ROS1: variants seen among roughly 807,000 people sequenced by gnomAD.
ROS1 encodes the protein proto-oncogene tyrosine-protein kinase ROS.
Under a neutral mutation model 273.5 loss-of-function variants are expected in ROS1, and 263 were observed. The observed-to-expected ratio is 0.96, with a 90% CI of 0.87 to 1.06. The LOEUF is 1.06. Ranked by LOEUF, ROS1 falls within the 50% of genes least tolerant of loss-of-function variation. The pLI, the probability that ROS1 is intolerant of heterozygous loss-of-function variation, is 0.00. For missense variants in ROS1, 2,833 were observed against 2,751.1 expected (o/e 1.03, Z -0.67); for synonymous variants, 1,008 against 954.1 (o/e 1.06, Z -1.04).
chr6:117,330,792 C>T (rs1372840228), intron 32 of ROS1, among the ~76,000 whole-genome samples: 1 of 152,098 alleles, frequency 6.6e-6, no homozygotes, highest in Non-Finnish European at 1.5e-5. Context: ...ACAGCATCAT[C>T]ATCAACAACA....
chr6:117,395,619 T>G (rs991535896), intron 9 of ROS1, among the ~76,000 whole-genome samples: 5 of 152,194 alleles, frequency 3.3e-5, no homozygotes, highest in Admixed American at 6.5e-5. Context: ...TTTGTTATTT[T>G]GCTCACACAT....
At chr6:117,360,622 G>T (rs1419303711) in intron 22 of ROS1, among the ~76,000 whole-genome samples, 1 of 152,044 alleles carries the variant, frequency 6.6e-6, no homozygotes, top group Non-Finnish European at 1.5e-5. Flanking sequence ...ATCTAGAAAA[G>T]TGCAAGAATT....
Position 117,344,136 on chromosome 6 carries a change from G to C in ROS1, c.4430C>G (p.Pro1477Arg), listed in dbSNP as rs749689925. The change falls in exon 28 of 44, where the codon CCT (proline) becomes CGT (arginine). Residue 1477 changes from proline to arginine, a missense_variant. Pro to Arg is a moderately radical substitution (Grantham distance 103). Transcript: ENST00000368507. ...TNLTWYGITS[P>R]TPTYLVYYAE... ...ATAATAAACCAGGTATGTTGGAGTA[G>C]GGCTGGTGATGCCATACCATGTGAG... The C allele has an allele frequency of 1.2e-6, 2 of 1,613,968 alleles. No individual in the cohort carries two copies. The highest frequency in any genetic ancestry group is 1.1e-5 in the South Asian group (1 of 91,084).
chr6:117,387,796 AC>A lies in ROS1; in HGVS notation c.1982del (p.Gly661ValfsTer16), dbSNP rs755841294. 6.2e-7 allele frequency: 1 copy of A among 1,614,082 alleles called. No homozygotes were observed. Among genetic ancestry groups the A allele is most frequent in the Admixed American group, 1.7e-5 (1 of 60,028 alleles). On this transcript the variant is annotated frameshift_variant, in exon 14 of 44. Transcript: ENST00000368507. LOFTEE classifies it high-confidence loss of function. ...TTTTCTCACCTGGCACCAGGGTAGTACCCACTGAGGGCTCTGACCAGGGGCC... is the reference window on the plus strand; with the variant it reads ...TTTTCTCACCTGGCACCAGGGTAGTACCACTGAGGGCTCTGACCAGGGGCC... The part of the protein sequence containing the change: ...RPGPWSEPSV[G>X]TTLVPASEPP...
chr6:117,400,757 T>C (rs1486267489), intron 7 of ROS1, among the ~76,000 whole-genome samples: 1 of 152,214 alleles, frequency 6.6e-6, no homozygotes, highest in Non-Finnish European at 1.5e-5. Context: ...GCCCTTGGGC[T>C]GACACCTTGA....
At chr6:117,388,671 C>G (rs1433726519) in intron 13 of ROS1, among the ~76,000 whole-genome samples, 4 of 152,126 alleles carry the variant, frequency 2.6e-5, no homozygotes, top group Admixed American at 2.6e-4. Flanking sequence ...GACCATCTGA[C>G]CCACAAAGTA....
chr6:117,387,450 A>G (rs746942375), intron 14 of ROS1, among the ~76,000 whole-genome samples: 2 of 152,210 alleles, frequency 1.3e-5, no homozygotes, highest in East Asian at 3.8e-4. Context: ...TCTCAGCAAG[A>G]CCCTCAGAGT....
intron 42 of ROS1, among the ~76,000 whole-genome samples, chr6:117,305,140 G>A (rs926360845): frequency 2.0e-5 from 3 of 152,074 alleles, no homozygotes; most frequent in African/African-American, 7.2e-5. Context: ...GTGTGAGAAT[G>A]AACTAATACA....
At chr6:117,379,616 T>A (rs1442074722) in intron 17 of ROS1, among the ~76,000 whole-genome samples, 2 of 152,164 alleles carry the variant, frequency 1.3e-5, no homozygotes, top group African/African-American at 2.4e-5. Flanking sequence ...CCTGTTGTTA[T>A]CAAACATAGC....
At chr6:117,316,426 G>T (rs546465806) in intron 39 of ROS1, among the ~76,000 whole-genome samples, 1 of 140,388 alleles carries the variant, frequency 7.1e-6, no homozygotes, top group South Asian at 2.3e-4. Flanking sequence ...TAATCCACCA[G>T]ATTTAAACTT....
In ROS1 at chr6:117,317,137, G is replaced by A. The variant is rs1775975818; in HGVS notation, c.6117+6C>T. 1 of 1,610,036 alleles carries A rather than the reference G, an allele frequency of 6.2e-7. No homozygotes were observed. Among genetic ancestry groups the A allele is most frequent in the African/African-American group, 1.3e-5 (1 of 74,802 alleles). ...GAAACCAATATTATGGATCCCAACT[G>A]CCTACCGTTGCCATCCGGGCTTTAC... On this transcript the variant is annotated splice_donor_region_variant and intron_variant, in intron 39 of 43. Coordinates refer to ENST00000368507, the MANE Select transcript of ROS1 (RefSeq NM_001378902.1).
intron 7 of ROS1, among the ~76,000 whole-genome samples, chr6:117,398,538 GC>G (rs139458893): frequency 6.6e-6 from 1 of 152,206 alleles, no homozygotes; most frequent in East Asian, 1.9e-4. Context: ...AATTAGCCAG[GC>G]ATGGTGGCGC....
In ROS1 at chr6:117,365,647, C is replaced by A. The variant is rs2128660655; in HGVS notation, c.2892G>T (p.Trp964Cys). The change falls in exon 20 of 44, where the codon TGG becomes TGT. Residue 964 changes from tryptophan to cysteine, a missense_variant. Transcript: ENST00000368507. ...EGNASSFQIL[W>C]NGPPAVDWGV... ...CCCAGTCTACCGCAGGGGGACCATT[C>A]CACAGGATTTGAAAACTTGAAGCAT... The A allele has an allele frequency of 1.2e-6, 2 of 1,612,802 alleles. No individual in the cohort carries two copies. The highest frequency in any genetic ancestry group is 1.7e-6 in the Non-Finnish European group (2 of 1,179,132).
At position 117,310,228 on chromosome 6, in the gene ROS1, C is replaced by A. The variant is rs1022614558; in HGVS notation, c.6269G>T (p.Arg2090Leu). ...LVSVKDYTSP[R>L]IVKIGDFGLA... ...TCCAAAGTCTCCAATCTTCACTATC[C>A]GTGGACTGGTATAGTCTTTCACGGA... Residue 2090 changes from arginine to leucine, a missense_variant, in exon 41 of 44, where the codon CGG becomes CTG. Arg to Leu is a moderately radical substitution (Grantham distance 102). Transcript: ENST00000368507. The A allele has an allele frequency of 6.2e-7, 1 of 1,613,220 alleles. No homozygotes were observed. Among genetic ancestry groups the A allele is most frequent in the Non-Finnish European group, 8.5e-7 (1 of 1,179,490 alleles).
chr6:117,292,235 G>A (rs1773893349), intron 43 of ROS1, among the ~76,000 whole-genome samples: 1 of 152,104 alleles, frequency 6.6e-6, no homozygotes, highest in African/African-American at 2.4e-5. Flanking sequence ...CTCCCAAAGT[G>A]CTGGGATTAC....
chr6:117,409,641 C>A lies in ROS1; in HGVS notation c.257G>T (p.Arg86Leu). ...GCTACAGCCAACCTCACACGACTCC[C>A]GCTGTGGAAGACAGGGAGCATGACA... is the stretch of plus-strand genomic sequence containing the variant. ...CNDTYATVCE[R>L]ESCEVGCSSA... is the part of the protein sequence containing the mutation. The change falls in exon 5 of 44, where the codon CGG (arginine) becomes CTG (leucine). Residue 86 changes from arginine (R) to leucine (L), a missense_variant and splice_region_variant. Physicochemically the swap from Arg to Leu is moderately radical, Grantham distance 102. Transcript: ENST00000368507. The A allele has an allele frequency of 1.9e-6, 3 of 1,613,604 alleles. No homozygotes were observed. In the African/African-American group the frequency reaches 4.0e-5, roughly 22 times the overall value.
At chr6:117,383,247 G>A (rs991460091) in intron 17 of ROS1, 70 bp downstream of exon 17, 35 of 1,215,650 alleles carry the variant, frequency 2.9e-5, no homozygotes, top group Middle Eastern at 5.1e-4. Flanking sequence ...CACAATAAGC[G>A]AGAGAAAGTA....
intron 1 of ROS1, among the ~76,000 whole-genome samples, chr6:117,420,920 A>T (rs1582910304): frequency 1.1e-5 from 1 of 95,212 alleles, no homozygotes; most frequent in African/African-American, 4.6e-5. Context: ...TGATGCATAA[A>T]TTAGAGGTAT....
intron 11 of ROS1, 123 bp from the exon 12 acceptor site, chr6:117,393,444 G>T: frequency 1.5e-6 from 1 of 652,958 alleles, no homozygotes; most frequent in Non-Finnish European, 2.6e-6. Flanking sequence ...CACTGCCCAA[G>T]ACAAATGAGC....
Sources: gnomAD v4.1 joint callset for allele counts (sites outside exome capture counted in the v4.1 genomes callset) on GRCh38, gnomAD v4.1.1 for gene constraint, MANE v1.5 for transcripts, NCBI Gene and HGNC (gene_info 2026-07-23, HGNC 2026-07-21) for gene names.